RUNX2: variants seen among roughly 807,000 people sequenced by gnomAD.
The protein encoded by RUNX2 is RUNX family transcription factor 2, also known as runt-related transcription factor 2.
In RUNX2, 10 loss-of-function variants were observed where a neutral mutation model predicts 51.7. The ratio of observed to expected loss-of-function variants is 0.19; its 90% CI spans 0.12 to 0.33. The LOEUF (loss-of-function observed/expected upper bound fraction) is 0.33. Among genes scored for constraint, RUNX2 ranks in the 10% least tolerant of loss-of-function variants. The pLI, the probability that RUNX2 is intolerant of heterozygous loss-of-function variation, is 1.00. For missense variants in RUNX2, 562 were observed against 691.3 expected, an observed-to-expected ratio of 0.81 and a Z score of 2.10; for synonymous variants, 276 against 273.6, an observed-to-expected ratio of 1.01 and a Z score of -0.09.
chr6:45,410,833 C>T (rs1395629088), intron 2 of RUNX2, among the ~76,000 whole-genome samples: 2 of 152,188 alleles, frequency 1.3e-5, no homozygotes, highest in African/African-American at 2.4e-5. Context: ...ATTGGACATG[C>T]TGACCTTGAA....
At chr6:45,358,775 G>A (rs1240591745) in intron 2 of RUNX2, among the ~76,000 whole-genome samples, 2 of 152,108 alleles carry the variant, frequency 1.3e-5, no homozygotes, top group African/African-American at 4.8e-5. Context: ...TTTCAGCAGA[G>A]TCTAGAGAAG....
At chr6:45,506,780 A>G (rs1294252709) in intron 6 of RUNX2, among the ~76,000 whole-genome samples, 2 of 152,046 alleles carry the variant, frequency 1.3e-5, no homozygotes, top group Non-Finnish European at 2.9e-5. Context: ...AGCTGGGACC[A>G]CAGGCATGTT....
chr6:45,350,842 T>C (rs1266571421), intron 2 of RUNX2, among the ~76,000 whole-genome samples: 1 of 152,156 alleles, frequency 6.6e-6, no homozygotes, highest in Non-Finnish European at 1.5e-5. Context: ...GACGGATTTA[T>C]AATAGCTCAG....
chr6:45,351,574 TTC>T (rs908159362), intron 2 of RUNX2, among the ~76,000 whole-genome samples: 15 of 152,138 alleles, frequency 9.9e-5, no homozygotes, highest in African/African-American at 2.7e-4. Flanking sequence ...TACTTGTATT[TTC>T]TGTTACATTT....
At chr6:45,408,956 A>G (rs1797894048) in intron 2 of RUNX2, among the ~76,000 whole-genome samples, 1 of 152,214 alleles carries the variant, frequency 6.6e-6, no homozygotes, top group Admixed American at 6.5e-5. Context: ...AGTGCCTGAT[A>G]TATGTTTACT....
intron 3 of RUNX2, among the ~76,000 whole-genome samples, chr6:45,427,640 A>G (rs1324216976): frequency 1.3e-5 from 2 of 152,162 alleles, no homozygotes; most frequent in African/African-American, 4.8e-5. Context: ...AAAAATAATT[A>G]TATTTCAATT....
intron 7 of RUNX2, among the ~76,000 whole-genome samples, chr6:45,520,819 CA>C: frequency 6.6e-6 from 1 of 152,036 alleles, no homozygotes; most frequent in African/African-American, 2.4e-5. Flanking sequence ...CTCCCAGGTT[CA>C]AAAGATTCTC....
At chr6:45,452,796 C>A (rs1464901589) in intron 5 of RUNX2, among the ~76,000 whole-genome samples, 1 of 152,114 alleles carries the variant, frequency 6.6e-6, no homozygotes, top group African/African-American at 2.4e-5. Context: ...GGTGACACAA[C>A]AAGGAAGAAG....
chr6:45,475,607 T>C (rs1428014540), intron 5 of RUNX2, among the ~76,000 whole-genome samples: 2 of 152,234 alleles, frequency 1.3e-5, no homozygotes, highest in African/African-American at 4.8e-5. Context: ...CCACTTTCTC[T>C]AGTATTTTAA....
intron 7 of RUNX2, among the ~76,000 whole-genome samples, chr6:45,525,283 TG>T (rs1003058652): frequency 6.6e-6 from 1 of 152,222 alleles, no homozygotes; most frequent in Non-Finnish European, 1.5e-5. Flanking sequence ...ATCCAGTAGG[TG>T]GTTGAAACTT....
intron 2 of RUNX2, among the ~76,000 whole-genome samples, chr6:45,353,673 G>A (rs1306346187): frequency 6.6e-6 from 1 of 151,896 alleles, no homozygotes; most frequent in Non-Finnish European, 1.5e-5. Flanking sequence ...TGAAATGTAA[G>A]AAAGTGCATG....
intron 2 of RUNX2, among the ~76,000 whole-genome samples, chr6:45,404,856 A>C (rs923544599): frequency 6.6e-6 from 1 of 152,272 alleles, no homozygotes; most frequent in South Asian, 2.1e-4. Flanking sequence ...CAGATAGGCT[A>C]TGAGTTATAA....
chr6:45,352,731 G>A (rs947928417), intron 2 of RUNX2, among the ~76,000 whole-genome samples: 1 of 151,308 alleles, frequency 6.6e-6, no homozygotes, highest in Non-Finnish European at 1.5e-5. Flanking sequence ...CTTTAAAATA[G>A]AACCATTTGA....
intron 2 of RUNX2, among the ~76,000 whole-genome samples, chr6:45,360,917 T>C (rs1794137861): frequency 6.6e-6 from 1 of 152,182 alleles, no homozygotes; most frequent in South Asian, 2.1e-4. Flanking sequence ...TGTCTCCTTC[T>C]CTACTGCTAG....
At chr6:45,489,257 T>C (rs1800382705) in intron 5 of RUNX2, among the ~76,000 whole-genome samples, 1 of 152,222 alleles carries the variant, frequency 6.6e-6, no homozygotes, top group Admixed American at 6.5e-5. Flanking sequence ...TCTTTGAAGA[T>C]AATTTCCAAA....
At chr6:45,530,231 T>TA (rs906253398) in intron 7 of RUNX2, among the ~76,000 whole-genome samples, 1 of 152,206 alleles carries the variant, frequency 6.6e-6, no homozygotes, top group Non-Finnish European at 1.5e-5. Context: ...ACCATTTTAA[T>TA]AAAAAGGTTA....
chr6:45,402,880 C>T (rs938123172), intron 2 of RUNX2, among the ~76,000 whole-genome samples: 3 of 152,086 alleles, frequency 2.0e-5, no homozygotes, highest in Non-Finnish European at 1.5e-5. Flanking sequence ...CTCAACAGCT[C>T]CCACTCCCCT....
At chr6:45,403,106 C>G (rs747015396) in intron 2 of RUNX2, among the ~76,000 whole-genome samples, 1 of 151,696 alleles carries the variant, frequency 6.6e-6, no homozygotes, top group Non-Finnish European at 1.5e-5. Context: ...AATAAAGATC[C>G]AAGTTCATTA....
At chr6:45,417,236 C>G (rs1798083435) in intron 2 of RUNX2, among the ~76,000 whole-genome samples, 1 of 152,176 alleles carries the variant, frequency 6.6e-6, no homozygotes. Flanking sequence ...AATAAACCTA[C>G]TAAAACCTTA....
Sources: allele counts gnomAD v4.1 joint callset (sites outside exome capture counted in the v4.1 genomes callset), GRCh38; gene constraint gnomAD v4.1.1; transcripts MANE v1.5; gene names NCBI Gene and HGNC (gene_info 2026-07-23, HGNC 2026-07-21).